The following VAV3 variants were observed in gnomAD, a reference collection of about 807,000 sequenced individuals.
The protein encoded by VAV3 is vav guanine nucleotide exchange factor 3, also known as guanine nucleotide exchange factor VAV3.
VAV3 carries 94 observed loss-of-function variants against 131.2 expected under a neutral mutation model. The observed-to-expected ratio is 0.72, with a 90% confidence interval of 0.61 to 0.85. The LOEUF (loss-of-function observed/expected upper bound fraction) is 0.85, where lower values mean the gene tolerates loss of function less well. VAV3 is among the 40% of genes least tolerant of loss of function. VAV3 has a pLI of 0.00. For missense variants in VAV3, 939 were observed against 1,002.7 expected (o/e 0.94, Z 0.86); for synonymous variants, 349 against 342.0 (o/e 1.02, Z -0.22).
chr1:107,688,723 T>C (rs559347479), intron 17 of VAV3, among the ~76,000 whole-genome samples: 4 of 152,274 alleles, frequency 2.6e-5, no homozygotes, highest in African/African-American at 7.2e-5. Flanking sequence ...ACTAAATTTA[T>C]AGGCATAAGA....
intron 2 of VAV3, among the ~76,000 whole-genome samples, chr1:107,816,664 T>C (rs1667573293): frequency 6.6e-6 from 1 of 152,242 alleles, no homozygotes; most frequent in East Asian, 1.9e-4. Context: ...ATAAGAACTT[T>C]AACCTGACAG....
At chr1:107,720,834 TG>T (rs1453441664) in intron 15 of VAV3, among the ~76,000 whole-genome samples, 1 of 152,074 alleles carries the variant, frequency 6.6e-6, no homozygotes, top group Non-Finnish European at 1.5e-5. Context: ...GAGCAGGACT[TG>T]GGGAGCCATG....
At chr1:107,616,967 A>G (rs950447387) in intron 21 of VAV3, among the ~76,000 whole-genome samples, 1 of 152,212 alleles carries the variant, frequency 6.6e-6, no homozygotes, top group Non-Finnish European at 1.5e-5. Flanking sequence ...ACAGAAGTTT[A>G]TCAGTATCAT....
At chr1:107,946,388 T>C (rs987502262) in intron 1 of VAV3, among the ~76,000 whole-genome samples, 5 of 152,216 alleles carry the variant, frequency 3.3e-5, no homozygotes, top group Non-Finnish European at 7.3e-5. Flanking sequence ...AATAAGTGAC[T>C]GAGATTGGAA....
At chr1:107,891,063 T>C (rs1288566900) in intron 1 of VAV3, among the ~76,000 whole-genome samples, 2 of 152,056 alleles carry the variant, frequency 1.3e-5, no homozygotes, top group Non-Finnish European at 2.9e-5. Context: ...AGAATTTCTG[T>C]ACAAAGACCA....
chr1:107,939,820 C>T (rs1376748063), intron 1 of VAV3, among the ~76,000 whole-genome samples: 1 of 152,078 alleles, frequency 6.6e-6, no homozygotes, highest in African/African-American at 2.4e-5. Context: ...CTAAACTGAC[C>T]ATTGCTCTTG....
intron 1 of VAV3, among the ~76,000 whole-genome samples, chr1:107,924,738 A>G (rs1162777586): frequency 6.6e-6 from 1 of 152,222 alleles, no homozygotes; most frequent in Non-Finnish European, 1.5e-5. Flanking sequence ...CTGTTTCTTT[A>G]CAGACACCAT....
intron 19 of VAV3, chr1:107,669,551 T>C (rs1443188130): frequency 4.1e-6 from 5 of 1,232,586 alleles, no homozygotes; most frequent in Non-Finnish European, 3.1e-6. Flanking sequence ...CTATCTTTGA[T>C]ACTCGGTAGC....
chr1:107,679,832 G>A (rs968895402), intron 19 of VAV3, among the ~76,000 whole-genome samples: 5 of 152,174 alleles, frequency 3.3e-5, no homozygotes, highest in African/African-American at 1.2e-4. Flanking sequence ...TCTGTTACAA[G>A]TGTTATTTTC....
At chr1:107,783,616 AC>A (rs1267152915) in intron 2 of VAV3, among the ~76,000 whole-genome samples, 22 of 151,990 alleles carry the variant, frequency 1.4e-4, no homozygotes, top group Admixed American at 1.4e-3. Flanking sequence ...ACCATCCTGA[AC>A]CCAGTGAGGC....
intron 2 of VAV3, among the ~76,000 whole-genome samples, chr1:107,850,021 T>C (rs1467853525): frequency 6.6e-6 from 1 of 152,062 alleles, no homozygotes; most frequent in East Asian, 1.9e-4. Context: ...AACCATGAGA[T>C]ACCATCTCAT....
chr1:107,958,833 T>C (rs1408692814), intron 1 of VAV3, among the ~76,000 whole-genome samples: 1 of 152,190 alleles, frequency 6.6e-6, no homozygotes, highest in Non-Finnish European at 1.5e-5. Flanking sequence ...TGTGCCCATA[T>C]GTTCTCATTC....
intron 21 of VAV3, among the ~76,000 whole-genome samples, chr1:107,612,317 C>T (rs1557703014): frequency 2.0e-5 from 3 of 151,748 alleles, no homozygotes; most frequent in Non-Finnish European, 4.4e-5. Context: ...CGATTTCATC[C>T]TTTTTTTGAG....
intron 20 of VAV3, among the ~76,000 whole-genome samples, chr1:107,624,389 TGTGTG>T (rs1222924404): frequency 1.6e-4 from 24 of 150,914 alleles, no homozygotes; most frequent in Admixed American, 1.6e-3. Flanking sequence ...TGTGTGTGTG[TGTGTG>T]TGTGTGTGTG....
intron 17 of VAV3, among the ~76,000 whole-genome samples, chr1:107,689,348 T>C (rs1659256417): frequency 1.3e-5 from 2 of 151,692 alleles, no homozygotes; most frequent in Non-Finnish European, 2.9e-5. Context: ...AAGTGGGAGC[T>C]CTGCAGGATG....
At chr1:107,651,996 CG>C (rs1656209458) in intron 19 of VAV3, among the ~76,000 whole-genome samples, 1 of 151,756 alleles carries the variant, frequency 6.6e-6, no homozygotes, top group South Asian at 2.1e-4. Context: ...CTGTCACAGA[CG>C]AGTGAACCAG....
At chr1:107,707,708 T>A (rs1055671460) in intron 15 of VAV3, among the ~76,000 whole-genome samples, 1 of 152,196 alleles carries the variant, frequency 6.6e-6, no homozygotes, top group Admixed American at 6.5e-5. Context: ...ATTACATGTA[T>A]GAAAAACCTT....
At chr1:107,768,640 TAGAA>T in intron 6 of VAV3, 131 bp from the exon 7 acceptor site, 1 of 588,386 alleles carries the variant, frequency 1.7e-6, no homozygotes. Flanking sequence ...ACCAAAATTG[TAGAA>T]ACTATTTTCT....
chr1:107,759,246 T>C (rs1014875051), intron 10 of VAV3, among the ~76,000 whole-genome samples: 2 of 152,234 alleles, frequency 1.3e-5, no homozygotes, highest in African/African-American at 4.8e-5. Flanking sequence ...ATACTACCAG[T>C]GTTTCTGCTA....
Sources: allele counts gnomAD v4.1 joint callset (sites outside exome capture counted in the v4.1 genomes callset), GRCh38; gene constraint gnomAD v4.1.1; transcripts MANE v1.5; gene names NCBI Gene and HGNC (gene_info 2026-07-23, HGNC 2026-07-21).